CRYZL1: variants seen among roughly 807,000 people sequenced by gnomAD.
CRYZL1 encodes the protein crystallin zeta like 1.
CRYZL1 carries 34 observed loss-of-function variants against 50.6 expected under a neutral mutation model. That is an observed-to-expected ratio of 0.67 (90% CI 0.51 to 0.89). CRYZL1 has a LOEUF of 0.89. Ranked by LOEUF, CRYZL1 falls within the 40% of genes least tolerant of loss-of-function variation. The pLI is 0.00. For missense variants in CRYZL1, 354 were observed against 402.3 expected (o/e 0.88, Z 1.03); for synonymous variants, 125 against 134.3 (o/e 0.93, Z 0.48).
At position 33,599,165 on chromosome 21, in the gene CRYZL1, C is replaced by T; in HGVS notation, c.661G>A (p.Val221Ile). ...EETGGLGVDI[V>I]LDAGVRLYSK... is the part of the protein sequence containing the mutation. ...AGGTACCTACCTCCAGCATCTAGGA[C>T]AATATCTACTCCCAGGCCACCTGTT... is the stretch of plus-strand genomic sequence containing the variant. The change falls in exon 9 of 13, where the codon GTC (valine) becomes ATC (isoleucine). Residue 221 changes from valine (V) to isoleucine (I), a missense_variant. By Grantham distance (29) the Val-to-Ile change is conservative. Coordinates refer to ENST00000381554, the MANE Select transcript of CRYZL1 (RefSeq NM_145858.3). 1 of 1,614,012 alleles carries T rather than the reference C, an allele frequency of 6.2e-7. No homozygotes were observed. Among genetic ancestry groups the T allele is most frequent in the Non-Finnish European group, 8.5e-7 (1 of 1,179,964 alleles).
intron 2 of CRYZL1, among the ~76,000 whole-genome samples, chr21:33,627,139 G>A (rs1299519600): frequency 6.6e-6 from 1 of 152,192 alleles, no homozygotes; most frequent in Non-Finnish European, 1.5e-5. Context: ...CTGAAACACA[G>A]ACTCCTGGCC....
At chr21:33,621,279 A>G (rs1220432374) in intron 4 of CRYZL1, among the ~76,000 whole-genome samples, 1 of 151,072 alleles carries the variant, frequency 6.6e-6, no homozygotes, top group Admixed American at 6.6e-5. Flanking sequence ...CATACAATAC[A>G]CTAACACTAA....
At chr21:33,637,551 C>CTCAT (rs1168419166) in intron 1 of CRYZL1, among the ~76,000 whole-genome samples, 1 of 151,752 alleles carries the variant, frequency 6.6e-6, no homozygotes, top group Non-Finnish European at 1.5e-5. Flanking sequence ...AATACTCTCC[C>CTCAT]TCATTCAACT....
At chr21:33,594,617 T>G (rs1229753432) in intron 11 of CRYZL1, 1 of 151,286 alleles carries the variant, frequency 6.6e-6, no homozygotes, top group Admixed American at 6.6e-5. Context: ...ACTTAACACA[T>G]GCAGTATACT....
In CRYZL1 at chr21:33,589,704, G is replaced by C; in HGVS notation, c.*118C>G. 1.5e-6 allele frequency: 1 copy of C among 669,770 alleles called. No individual in the cohort carries two copies. The highest frequency in any genetic ancestry group is 1.8e-5 in the South Asian group (1 of 55,038). The allele number at this position is 669,770 out of a possible 1,614,324, so 41.5% of individuals were successfully genotyped here. A position where few individuals can be genotyped will look rare whatever the true frequency, so the allele number is the denominator to read the frequency against. ...GAGCATCTTGTCTTAGCAGAGAAAC[G>C]TGCTTAAAAATGCAACTTGTTTTAT... On this transcript the variant is annotated 3_prime_UTR_variant, in exon 13 of 13. Coordinates refer to ENST00000381554, the MANE Select transcript of CRYZL1 (RefSeq NM_145858.3).
In CRYZL1 at chr21:33,615,150, CTCTCTT is replaced by C. The variant is rs1363686383; in HGVS notation, c.262+1550_263-1545del. ...TAAATATTTTTTCTTTCTTTTCTTT[CTCTCTT>C]TTTTTTTTTTTTTTTTGGACAAGGT... On this transcript the variant is annotated intron_variant, in intron 5 of 12. Coordinates refer to ENST00000381554, the MANE Select transcript of CRYZL1 (RefSeq NM_145858.3). Among the ~76,000 whole-genome samples the C allele has an allele frequency of 2.6e-3, 312 of 121,300 alleles. 1 individual carries two copies. The highest frequency in any genetic ancestry group is 7.6e-3 in the African/African-American group (247 of 32,648). The allele number at this position is 121,300 out of a possible 152,430, so 79.6% of individuals were successfully genotyped here. A position where few individuals can be genotyped will look rare whatever the true frequency, so the allele number is the denominator to read the frequency against.
chr21:33,601,781 A>T (rs950595553), intron 8 of CRYZL1, among the ~76,000 whole-genome samples: 3 of 151,842 alleles, frequency 2.0e-5, no homozygotes, highest in African/African-American at 4.8e-5. Context: ...GCTGGGCGTG[A>T]TGGCATATGC....
intron 10 of CRYZL1, among the ~76,000 whole-genome samples, chr21:33,596,379 T>C (rs1035396069): frequency 6.6e-6 from 1 of 151,692 alleles, no homozygotes; most frequent in Non-Finnish European, 1.5e-5. Context: ...GGCTCACACC[T>C]GTAATCCCAG....
intron 3 of CRYZL1, among the ~76,000 whole-genome samples, chr21:33,624,113 T>TA (rs2087032906): frequency 6.6e-6 from 1 of 152,154 alleles, no homozygotes; most frequent in Non-Finnish European, 1.5e-5. Context: ...TAAAATATTA[T>TA]AAAATATTTA....
At chr21:33,614,239 C>T (rs981713863) in intron 5 of CRYZL1, among the ~76,000 whole-genome samples, 4 of 151,426 alleles carry the variant, frequency 2.6e-5, no homozygotes, top group African/African-American at 9.7e-5. Flanking sequence ...TAATCCAACA[C>T]TTTGGGAGGC....
chr21:33,606,768 G>T (rs1291035830), intron 6 of CRYZL1, among the ~76,000 whole-genome samples: 2 of 152,024 alleles, frequency 1.3e-5, no homozygotes, highest in African/African-American at 4.8e-5. Flanking sequence ...CCAGCACTAT[G>T]GGAGGCCGAG....
chr21:33,636,863 G>C (rs1010449470), intron 1 of CRYZL1, among the ~76,000 whole-genome samples: 2 of 152,252 alleles, frequency 1.3e-5, no homozygotes, highest in Non-Finnish European at 2.9e-5. Context: ...CTAGAGTGCA[G>C]TGGCGCGATG....
intron 6 of CRYZL1, among the ~76,000 whole-genome samples, chr21:33,606,939 A>G (rs1179337525): frequency 6.6e-6 from 1 of 152,186 alleles, no homozygotes; most frequent in Non-Finnish European, 1.5e-5. Context: ...TGAACCCAGG[A>G]GGCAGAGGTT....
chr21:33,611,893 G>T (rs1352716918), intron 6 of CRYZL1, among the ~76,000 whole-genome samples: 1 of 152,234 alleles, frequency 6.6e-6, no homozygotes, highest in East Asian at 1.9e-4. Context: ...AAATGGCATG[G>T]GACTGTTTGT....
chr21:33,636,505 A>G (rs568022909), intron 1 of CRYZL1, among the ~76,000 whole-genome samples: 1 of 152,338 alleles, frequency 6.6e-6, no homozygotes, highest in Admixed American at 6.5e-5. Flanking sequence ...ACTGAGGATT[A>G]TGTTAGTAAT....
intron 4 of CRYZL1, among the ~76,000 whole-genome samples, chr21:33,619,892 T>A (rs2086974562): frequency 6.6e-6 from 1 of 152,212 alleles, no homozygotes; most frequent in African/African-American, 2.4e-5. Flanking sequence ...GATTTGGACA[T>A]CTTACTCCAA....
intron 6 of CRYZL1, among the ~76,000 whole-genome samples, chr21:33,607,315 T>A (rs750345388): frequency 6.6e-6 from 1 of 152,218 alleles, no homozygotes; most frequent in South Asian, 2.1e-4. Context: ...CTTATTTGAG[T>A]TGAAAGTGAC....
At position 33,622,062 on chromosome 21, in the gene CRYZL1, C is replaced by T; in HGVS notation, c.151G>A (p.Ala51Thr). 2 of 1,612,300 alleles carry T rather than the reference C, an allele frequency of 1.2e-6. No individual in the cohort carries two copies. The highest frequency in any genetic ancestry group is 1.1e-5 in the South Asian group (1 of 90,938). ...AAATCCTTTTTCATCTTCATTTCTG[C>T]CAGAAGCTAAATCATGACAAAGGCA... is the stretch of plus-strand genomic sequence containing the variant. ...ALSQINTKLL[A>T]EMKMKKDLFP... The change falls in exon 4 of 13, where the codon GCA becomes ACA. Residue 51 changes from alanine (A) to threonine (T), a missense_variant. Ala to Thr is a moderately conservative substitution (Grantham distance 58, BLOSUM62 0). Coordinates refer to ENST00000381554, the MANE Select transcript of CRYZL1 (RefSeq NM_145858.3).
At chr21:33,591,035 A>C in intron 12 of CRYZL1, 127 bp downstream of exon 12, 1 of 723,778 alleles carries the variant, frequency 1.4e-6, no homozygotes, top group Middle Eastern at 2.4e-4. Context: ...TGTTTGCACC[A>C]ACCTAATAAT....
Sources: allele counts gnomAD v4.1 joint callset (sites outside exome capture counted in the v4.1 genomes callset), GRCh38; gene constraint gnomAD v4.1.1; transcripts MANE v1.5; gene names NCBI Gene and HGNC (gene_info 2026-07-23, HGNC 2026-07-21).